CACNG3: variants seen among roughly 807,000 people sequenced by gnomAD.
The protein encoded by CACNG3 is voltage-dependent calcium channel gamma-3 subunit.
Under a neutral mutation model 28.5 loss-of-function variants are expected in CACNG3, and 3 were observed. The ratio of observed to expected loss-of-function variants is 0.11; its 90% CI spans 0.05 to 0.27. CACNG3 has a LOEUF of 0.27. Ranked by LOEUF, CACNG3 falls within the 10% of genes least tolerant of loss-of-function variation. The pLI, the probability that CACNG3 is intolerant of heterozygous loss-of-function variation, is 1.00. For missense variants in CACNG3, 236 were observed against 414.4 expected (o/e 0.57, Z 3.74); for synonymous variants, 174 against 162.2 (o/e 1.07, Z -0.55).
intron 1 of CACNG3, among the ~76,000 whole-genome samples, chr16:24,331,677 G>A (rs529275313): frequency 2.6e-5 from 4 of 152,282 alleles, no homozygotes; most frequent in East Asian, 1.9e-4. Context: ...TAAGAAGCTC[G>A]GTGATGTGTG....
At position 24,264,429 on chromosome 16, in the gene CACNG3, G is replaced by C. The variant is rs139531451; in HGVS notation, c.211+7464G>C. ...GCAGGATGGAAAAGACTAGACCAGA[G>C]TCAGAGATTCCACACCAGGAAAGGA... On this transcript the variant is annotated intron_variant, in intron 1 of 3. Transcript: ENST00000005284. 7.1e-3 allele frequency among the ~76,000 whole-genome samples: 1,081 copies of C among 152,290 alleles called. 11 individuals are homozygous for C. Among genetic ancestry groups the C allele is most frequent in the African/African-American group, 0.024 (1,013 of 41,556 alleles).
intron 1 of CACNG3, among the ~76,000 whole-genome samples, chr16:24,345,962 A>C (rs11859115): frequency 0.064 from 9,774 of 152,178 alleles, 596 homozygotes; most frequent in African/African-American, 0.16. Context: ...ACAACTGCAC[A>C]ATTACTTTTA....
intron 1 of CACNG3, among the ~76,000 whole-genome samples, chr16:24,317,694 AAG>A (rs1480750521): frequency 4.6e-5 from 5 of 109,290 alleles, no homozygotes; most frequent in African/African-American, 2.0e-4. Context: ...GAAAGAAAGA[AAG>A]AAAGAAAGAA....
intron 1 of CACNG3, among the ~76,000 whole-genome samples, chr16:24,261,877 T>C (rs1240280215): frequency 6.6e-6 from 1 of 152,024 alleles, no homozygotes; most frequent in East Asian, 1.9e-4. Context: ...CCAGACGGGG[T>C]TTCAGCTTTA....
At chr16:24,314,225 A>T (rs1405832551) in intron 1 of CACNG3, among the ~76,000 whole-genome samples, 1 of 152,184 alleles carries the variant, frequency 6.6e-6, no homozygotes, top group African/African-American at 2.4e-5. Context: ...TCCAGCACGA[A>T]ATGAAAATGG....
intron 1 of CACNG3, among the ~76,000 whole-genome samples, chr16:24,324,215 G>A (rs1899504939): frequency 2.0e-5 from 3 of 152,204 alleles, no homozygotes; most frequent in Admixed American, 6.5e-5. Flanking sequence ...ACAGCAAGTG[G>A]TGGATCTGGG....
chr16:24,261,393 G>A (rs1898535826), intron 1 of CACNG3, among the ~76,000 whole-genome samples: 1 of 152,178 alleles, frequency 6.6e-6, no homozygotes, highest in Non-Finnish European at 1.5e-5. Context: ...TGGAGAAATA[G>A]ACACCAAGTG....
intron 1 of CACNG3, among the ~76,000 whole-genome samples, chr16:24,303,793 C>T (rs967466869): frequency 6.6e-6 from 1 of 152,064 alleles, no homozygotes; most frequent in Non-Finnish European, 1.5e-5. Flanking sequence ...GTGGTATGTG[C>T]CTGTGGTCCA....
chr16:24,361,614 G>A lies in CACNG3; in HGVS notation c.699G>A (p.Arg233=), dbSNP rs1463808401. 1.2e-6 allele frequency: 2 copies of A among 1,613,330 alleles called. No individual in the cohort carries two copies. The highest frequency in any genetic ancestry group is 8.5e-7 in the Non-Finnish European group (1 of 1,179,696). Residue 233 remains arginine, a synonymous_variant, in exon 4 of 4, where the codon AGG becomes AGA. Transcript: ENST00000005284. This position sits in a 1 kb window ranked among gnomAD's most constrained non-coding sequence, Gnocchi z 6.8. ...RLPPYRYRFR[R]RSSSRSTEPR... is the part of the protein sequence containing the mutation. ...CACCCTACAGGTATCGATTCCGGAG[G>A]CGGTCAAGTTCTCGCTCCACCGAGC... is the stretch of plus-strand genomic sequence containing the variant.
At chr16:24,312,983 A>AAAAGAAAG (rs563788036) in intron 1 of CACNG3, among the ~76,000 whole-genome samples, 4 of 145,950 alleles carry the variant, frequency 2.7e-5, no homozygotes, top group South Asian at 2.1e-4. Context: ...AGAAAGAAAT[A>AAAAGAAAG]AAAGAAAGAA....
intron 3 of CACNG3, among the ~76,000 whole-genome samples, chr16:24,355,458 C>T (rs553355526): frequency 6.6e-6 from 1 of 152,256 alleles, no homozygotes; most frequent in African/African-American, 2.4e-5. Context: ...TGGTGCACAC[C>T]TGTGGTCCCA....
In CACNG3 at chr16:24,331,690, T is replaced by C. The variant is rs1899633072; in HGVS notation, c.212-15044T>C. On this transcript the variant is annotated intron_variant, in intron 1 of 3. Coordinates refer to ENST00000005284, the MANE Select transcript of CACNG3 (RefSeq NM_006539.4). The stretch of plus-strand genomic sequence containing the variant: ...TGTAAGAAGCTCGGTGATGTGTGCC[T>C]GCTCCTTCATGGGCCTGATCTCATC... Among the ~76,000 whole-genome samples the C allele has an allele frequency of 2.6e-5, 4 of 152,234 alleles. No individual in the cohort carries two copies. In the South Asian group the frequency reaches 8.3e-4, roughly 31 times the overall value.
intron 1 of CACNG3, among the ~76,000 whole-genome samples, chr16:24,309,995 A>G (rs1899238578): frequency 6.6e-6 from 1 of 152,194 alleles, no homozygotes; most frequent in East Asian, 1.9e-4. Flanking sequence ...AGTCATGTGA[A>G]GTGGCTTTGT....
intron 1 of CACNG3, among the ~76,000 whole-genome samples, chr16:24,311,933 T>C (rs1321937904): frequency 6.6e-6 from 1 of 152,272 alleles, no homozygotes; most frequent in Admixed American, 6.5e-5. Flanking sequence ...GCCAGGACTA[T>C]CGTCCACAGA....
At chr16:24,335,750 T>G (rs1288069971) in intron 1 of CACNG3, among the ~76,000 whole-genome samples, 2 of 151,964 alleles carry the variant, frequency 1.3e-5, no homozygotes, top group Non-Finnish European at 2.9e-5. Context: ...AGAGCACATC[T>G]CAACAAACAT....
At chr16:24,340,828 G>T (rs567742932) in intron 1 of CACNG3, among the ~76,000 whole-genome samples, 1 of 152,084 alleles carries the variant, frequency 6.6e-6, no homozygotes, top group Non-Finnish European at 1.5e-5. Context: ...GCCCTTCGCT[G>T]GGCTCCTGTC....
chr16:24,277,572 C>T (rs1043806777), intron 1 of CACNG3, among the ~76,000 whole-genome samples: 14 of 152,002 alleles, frequency 9.2e-5, no homozygotes, highest in Admixed American at 2.6e-4. Context: ...GTCAGGAGTT[C>T]GAGACCAGGC....
At chr16:24,359,787 C>A (rs1001687147) in intron 3 of CACNG3, among the ~76,000 whole-genome samples, 1 of 152,066 alleles carries the variant, frequency 6.6e-6, no homozygotes, top group African/African-American at 2.4e-5. Context: ...GCCTTTAGCC[C>A]AGGAGGTTGA....
intron 1 of CACNG3, among the ~76,000 whole-genome samples, chr16:24,317,820 T>G (rs907449231): frequency 2.0e-5 from 3 of 152,200 alleles, no homozygotes; most frequent in Admixed American, 2.0e-4. Context: ...AACCTCCCTC[T>G]GACCCCCACT....
Sources: allele counts gnomAD v4.1 joint callset (sites outside exome capture counted in the v4.1 genomes callset), GRCh38; gene constraint gnomAD v4.1.1; non-coding constraint Gnocchi (gnomAD v3.1); transcripts MANE v1.5; gene names NCBI Gene and HGNC (gene_info 2026-07-23, HGNC 2026-07-21).